FHAD1: variants seen among roughly 807,000 people sequenced by gnomAD.
FHAD1 encodes forkhead-associated domain-containing protein 1.
A neutral mutation model predicts 191.3 loss-of-function variants in FHAD1; 146 were observed. The observed-to-expected ratio is 0.76, with a 90% CI of 0.67 to 0.88. The LOEUF (loss-of-function observed/expected upper bound fraction) is 0.88. FHAD1 is among the 40% of genes least tolerant of loss of function. The pLI, the probability that FHAD1 is intolerant of heterozygous loss-of-function variation, is 0.00. For synonymous variants in FHAD1, 616 were observed against 672.3 expected, an observed-to-expected ratio of 0.92 and a Z score of 1.29; for missense variants, 1,635 against 1,785.8, an observed-to-expected ratio of 0.92 and a Z score of 1.52.
intron 3 of FHAD1, among the ~76,000 whole-genome samples, chr1:15,287,384 C>T (rs1662846043): frequency 6.6e-6 from 1 of 152,154 alleles, no homozygotes; most frequent in Non-Finnish European, 1.5e-5. Context: ...GTTTAATTGA[C>T]TCACAGTTCC....
intron 20 of FHAD1, among the ~76,000 whole-genome samples, chr1:15,355,471 C>T (rs1004356367): frequency 2.6e-5 from 4 of 152,200 alleles, no homozygotes; most frequent in South Asian, 2.1e-4. Context: ...GAATTTCAAA[C>T]GCATGGGACC....
chr1:15,362,899 A>G (rs999771618), intron 23 of FHAD1, among the ~76,000 whole-genome samples, 173 bp downstream of exon 23: 3 of 151,566 alleles, frequency 2.0e-5, no homozygotes, highest in Middle Eastern at 3.4e-3. Context: ...CCCAGACCAC[A>G]TTGTCAGAAG....
intron 20 of FHAD1, among the ~76,000 whole-genome samples, chr1:15,356,500 GCGTGCTACGTGACC>G (rs1692846892): frequency 1.3e-5 from 2 of 152,204 alleles, no homozygotes; most frequent in Non-Finnish European, 2.9e-5. Context: ...AGTTGCAGGT[GCGTGCTACGTGACC>G]CAGGCCACAC....
chr1:15,330,101 A>G (rs1680600460), intron 14 of FHAD1: 1 of 153,744 alleles, frequency 6.5e-6, no homozygotes, highest in African/African-American at 2.4e-5. Context: ...TACGTCATCC[A>G]TGTCAGTAGA....
intron 16 of FHAD1, 41 bp from the exon 17 acceptor site, chr1:15,345,042 A>G: frequency 2.0e-6 from 3 of 1,493,090 alleles, no homozygotes; most frequent in South Asian, 2.4e-5. Context: ...AATTCCTGCC[A>G]TGGTAACCAT....
intron 1 of FHAD1, among the ~76,000 whole-genome samples, chr1:15,250,435 T>C (rs1274411866): frequency 1.3e-5 from 2 of 152,212 alleles, no homozygotes; most frequent in African/African-American, 4.8e-5. Context: ...ATGCCGATGG[T>C]AGAATCTAGT....
intron 5 of FHAD1, among the ~76,000 whole-genome samples, chr1:15,300,969 AC>A (rs1220053103): frequency 1.3e-5 from 2 of 152,230 alleles, no homozygotes; most frequent in Admixed American, 6.5e-5. Flanking sequence ...AGCTGGGATT[AC>A]AGGCGCTTGC....
chr1:15,358,006 T>C, intron 20 of FHAD1, 104 bp from the exon 21 acceptor site: 1 of 776,890 alleles, frequency 1.3e-6, no homozygotes, highest in South Asian at 2.1e-5. Context: ...GACAGAATAA[T>C]TAGAGAATAG....
chr1:15,363,876 C>A lies in FHAD1; in HGVS notation c.3047+1150C>A, dbSNP rs559488802. The A allele has an allele frequency of 1.3e-5, 6 of 445,074 alleles. No homozygotes were observed. In the East Asian group the frequency reaches 2.8e-4, roughly 21 times the overall value. 27.6% of individuals were successfully genotyped at this position (445,074 alleles called of 1,614,324 possible). On this transcript the variant is annotated intron_variant, in intron 23 of 33. Transcript: ENST00000688493. The stretch of plus-strand genomic sequence containing the variant: ...TGCAGTGGAGGGATTCAGAAGCTCC[C>A]CCAAGAGGAGAACCACCTGCCTGAC...
In FHAD1 at chr1:15,331,485, T is replaced by C. The variant is rs533775497; in HGVS notation, c.1906+1944T>C. Among the ~76,000 whole-genome samples the C allele has an allele frequency of 1.1e-3, 81 of 73,590 alleles. 4 individuals carry two copies. The South Asian group carries it at 0.039, about 35-fold the overall frequency. The allele number at this position is 73,590 out of a possible 152,430, so 48.3% of individuals were successfully genotyped here. On this transcript the variant is annotated intron_variant, in intron 14 of 33. Coordinates refer to ENST00000688493, the MANE Select transcript of FHAD1 (RefSeq NM_001391957.1). ...AAGGGTGAGTGGGTGGGTGGGTGGATTGATGGATGGATGGATGGATGGATG... is the reference window on the plus strand; with the variant it reads ...AAGGGTGAGTGGGTGGGTGGGTGGACTGATGGATGGATGGATGGATGGATG...
intron 33 of FHAD1, among the ~76,000 whole-genome samples, chr1:15,393,529 AG>A (rs1704916862): frequency 6.6e-6 from 1 of 152,086 alleles, no homozygotes; most frequent in African/African-American, 2.4e-5. Context: ...TGATAGTGAA[AG>A]AAAGGCTGAG....
intron 3 of FHAD1, among the ~76,000 whole-genome samples, chr1:15,286,380 A>G (rs1199062675): frequency 1.3e-5 from 2 of 151,996 alleles, no homozygotes; most frequent in African/African-American, 2.4e-5. Context: ...GCCTGCGTCT[A>G]TAGTCCAAGC....
chr1:15,341,594 T>C, intron 15 of FHAD1, 142 bp from the exon 16 acceptor site: 1 of 600,244 alleles, frequency 1.7e-6, no homozygotes, highest in Non-Finnish European at 2.9e-6. Context: ...AACCACAGCA[T>C]GCTGTAGTGT....
At chr1:15,255,602 A>T (rs989183820) in intron 2 of FHAD1, among the ~76,000 whole-genome samples, 1 of 152,214 alleles carries the variant, frequency 6.6e-6, no homozygotes, top group African/African-American at 2.4e-5. Context: ...ACACTCACAC[A>T]TGGTCCCTGC....
chr1:15,268,226 A>G (rs962468155), intron 2 of FHAD1, among the ~76,000 whole-genome samples: 91 of 141,498 alleles, frequency 6.4e-4, no homozygotes, highest in African/African-American at 2.4e-3. Context: ...ATTCCCACCT[A>G]TGAGTGAGAA....
chr1:15,331,431 G>A (rs970273502), intron 14 of FHAD1, among the ~76,000 whole-genome samples: 9 of 149,226 alleles, frequency 6.0e-5, no homozygotes, highest in African/African-American at 2.0e-4. Context: ...TGGATGGATG[G>A]ACGGACGGGT....
At chr1:15,393,559 A>C (rs1179209951) in intron 33 of FHAD1, among the ~76,000 whole-genome samples, 1 of 151,890 alleles carries the variant, frequency 6.6e-6, no homozygotes, top group African/African-American at 2.4e-5. Context: ...AGTTAGACTA[A>C]TGAAGACATA....
At chr1:15,258,200 C>T (rs1573708601) in intron 2 of FHAD1, among the ~76,000 whole-genome samples, 1 of 152,176 alleles carries the variant, frequency 6.6e-6, no homozygotes, top group East Asian at 1.9e-4. Flanking sequence ...TCTTGCAAAA[C>T]TGAAACTCTG....
At chr1:15,299,000 T>C (rs1467496210) in intron 5 of FHAD1, among the ~76,000 whole-genome samples, 3 of 147,314 alleles carry the variant, frequency 2.0e-5, no homozygotes, top group Non-Finnish European at 3.0e-5. Flanking sequence ...AAGACTCGAT[T>C]TCTGCAAAAA....
Sources: allele counts gnomAD v4.1 joint callset (sites outside exome capture counted in the v4.1 genomes callset), GRCh38; gene constraint gnomAD v4.1.1; transcripts MANE v1.5; gene names NCBI Gene and HGNC (gene_info 2026-07-23, HGNC 2026-07-21).